TTC7B: variants seen among roughly 807,000 people sequenced by gnomAD.
TTC7B encodes tetratricopeptide repeat protein 7B.
Under a neutral mutation model 106.8 loss-of-function variants are expected in TTC7B, and 28 were observed. That is an observed-to-expected ratio of 0.26 (90% CI 0.19 to 0.36). The LOEUF is 0.36. Among genes scored for constraint, TTC7B ranks in the 10% least tolerant of loss-of-function variants. The probability of loss-of-function intolerance (pLI) is 1.00; values close to 1 mark genes in which losing one functional copy is unlikely to be tolerated. For synonymous variants in TTC7B, 405 were observed against 430.6 expected (o/e 0.94, Z 0.74); for missense variants, 862 against 1,076.4 (o/e 0.80, Z 2.79).
chr14:90,783,597 G>A (rs896897317), intron 2 of TTC7B, among the ~76,000 whole-genome samples: 7 of 152,170 alleles, frequency 4.6e-5, no homozygotes, highest in Admixed American at 3.3e-4. Context: ...AGATCACACA[G>A]CTTATAAATC....
chr14:90,525,151 A>C lies in TTC7B; in HGVS notation c.*16217T>G, dbSNP rs1595134621. 1.4e-5 allele frequency: 2 copies of C among 138,516 alleles called. No homozygotes were observed. The highest frequency in any genetic ancestry group is 1.5e-5 in the Non-Finnish European group (1 of 65,770). The allele number at this position is 138,516 out of a possible 1,614,324, so 8.6% of individuals were successfully genotyped here. On this transcript the variant is annotated 3_prime_UTR_variant, in exon 20 of 20. Transcript: ENST00000328459. ...CGCAATCACGGGTCTGCTTTCCCTC[A>C]CTCTAGATTAGTCCACATTTTCTAG... is the stretch of plus-strand genomic sequence containing the variant.
chr14:90,684,821 A>G lies in TTC7B; in HGVS notation c.951-4286T>C, dbSNP rs1004866949. ...ATGGATATGTTGATGAACTTGGTGG[A>G]AGTTCATCAAGTTTCATACTTTTGA... On this transcript the variant is annotated intron_variant, in intron 7 of 19. Coordinates refer to ENST00000328459, the MANE Select transcript of TTC7B (RefSeq NM_001010854.2). Among the ~76,000 whole-genome samples, 9 of 152,284 alleles carry G rather than the reference A, an allele frequency of 5.9e-5. No homozygotes were observed. In the East Asian group the frequency reaches 1.7e-3, roughly 29 times the overall value.
In TTC7B at chr14:90,780,884, T is replaced by A. The variant is rs757122556; in HGVS notation, c.299A>T (p.Asn100Ile). The A allele has an allele frequency of 1.1e-5, 17 of 1,614,084 alleles. No homozygotes were observed. Among genetic ancestry groups the A allele is most frequent in the Admixed American group, 8.3e-5 (5 of 60,008 alleles). The part of the protein sequence containing the change: ...NLKSEFLQES[N>I]LIMAKLNYVE... ...ATAATTCAACTTGGCCATGATCAGA[T>A]TGGATTCTTGTAGGAATTCTGACTA... The change falls in exon 3 of 20, where the codon AAT becomes ATT. Residue 100 changes from asparagine (N) to isoleucine (I), a missense_variant. Physicochemically the swap from Asn to Ile is moderately radical, Grantham distance 149. Coordinates refer to ENST00000328459, the MANE Select transcript of TTC7B (RefSeq NM_001010854.2).
In TTC7B at chr14:90,608,472, G is replaced by A. The variant is rs1180310743; in HGVS notation, c.1966+2270C>T. 6.6e-6 allele frequency among the ~76,000 whole-genome samples: 1 copy of A among 152,152 alleles called. No individual in the cohort carries two copies. Among genetic ancestry groups the A allele is most frequent in the East Asian group, 1.9e-4 (1 of 5,194 alleles). On this transcript the variant is annotated intron_variant, in intron 17 of 19. Coordinates refer to ENST00000328459, the MANE Select transcript of TTC7B (RefSeq NM_001010854.2). This position sits in a 1 kb window ranked among gnomAD's most constrained non-coding sequence, Gnocchi z 5.1. The stretch of plus-strand genomic sequence containing the variant: ...ATGAAACCGTCTGTGGCAGTGCCTG[G>A]GAGGCTGTGGCTTCCCTGTTGTTGA...
intron 19 of TTC7B, among the ~76,000 whole-genome samples, chr14:90,541,935 T>C (rs1490304012): frequency 1.3e-5 from 2 of 152,288 alleles, no homozygotes; most frequent in Non-Finnish European, 2.9e-5. Flanking sequence ...ACTATCATCC[T>C]TTTCTGTTTG....
intron 8 of TTC7B, among the ~76,000 whole-genome samples, chr14:90,678,617 C>T (rs1436302840): frequency 6.6e-6 from 1 of 152,204 alleles, no homozygotes; most frequent in African/African-American, 2.4e-5. Context: ...GATGACATCA[C>T]TGGATTTCAA....
chr14:90,744,431 C>G (rs1889882825), intron 4 of TTC7B, among the ~76,000 whole-genome samples: 1 of 152,078 alleles, frequency 6.6e-6, no homozygotes, highest in South Asian at 2.1e-4. Context: ...CTGCCTCAAC[C>G]TCCCAAGTAG....
intron 3 of TTC7B, among the ~76,000 whole-genome samples, chr14:90,765,100 T>A (rs927947525): frequency 1.3e-5 from 2 of 152,184 alleles, no homozygotes; most frequent in Non-Finnish European, 2.9e-5. Flanking sequence ...ATATGCAAAA[T>A]GGTATATCCA....
At chr14:90,724,364 T>C (rs1265929136) in intron 5 of TTC7B, among the ~76,000 whole-genome samples, 1 of 152,166 alleles carries the variant, frequency 6.6e-6, no homozygotes, top group African/African-American at 2.4e-5. Flanking sequence ...ATGTAGGCCC[T>C]GTGATATGGT....
chr14:90,751,527 C>G (rs1197927269), intron 3 of TTC7B, among the ~76,000 whole-genome samples: 1 of 152,188 alleles, frequency 6.6e-6, no homozygotes, highest in African/African-American at 2.4e-5. Context: ...TCCTGAGTAG[C>G]TGGGACTACA....
chr14:90,735,649 A>T (rs1336570786), intron 4 of TTC7B, among the ~76,000 whole-genome samples: 1 of 152,158 alleles, frequency 6.6e-6, no homozygotes, highest in African/African-American at 2.4e-5. Flanking sequence ...GCTTGAGGTC[A>T]GGAGTTCGAG....
intron 11 of TTC7B, among the ~76,000 whole-genome samples, chr14:90,656,341 A>T (rs1336955761): frequency 6.6e-6 from 1 of 152,238 alleles, no homozygotes; most frequent in Non-Finnish European, 1.5e-5. Flanking sequence ...AAAAGAAATT[A>T]GAACCCTATC....
At chr14:90,613,057 T>C (rs1344699688) in intron 16 of TTC7B, among the ~76,000 whole-genome samples, 1 of 152,186 alleles carries the variant, frequency 6.6e-6, no homozygotes. Flanking sequence ...CAATCAACTA[T>C]TCAACATAGA....
At chr14:90,745,442 G>C (rs907617498) in intron 3 of TTC7B, among the ~76,000 whole-genome samples, 2 of 152,132 alleles carry the variant, frequency 1.3e-5, no homozygotes, top group African/African-American at 4.8e-5. Flanking sequence ...CCTTTACCAG[G>C]TTGAAGAAGG....
intron 4 of TTC7B, among the ~76,000 whole-genome samples, chr14:90,731,696 G>A (rs901503725): frequency 1.2e-4 from 19 of 152,102 alleles, no homozygotes; most frequent in South Asian, 4.1e-4. Flanking sequence ...CCACTCATCC[G>A]TCAAGTGCCA....
At chr14:90,589,139 G>A (rs1397813970) in intron 18 of TTC7B, among the ~76,000 whole-genome samples, 1 of 152,198 alleles carries the variant, frequency 6.6e-6, no homozygotes, top group East Asian at 1.9e-4. Context: ...GCACATTGTT[G>A]ACTGGAATGT....
intron 5 of TTC7B, among the ~76,000 whole-genome samples, chr14:90,709,991 A>G (rs537888865): frequency 4.0e-5 from 6 of 151,096 alleles, no homozygotes; most frequent in African/African-American, 7.2e-5. Flanking sequence ...GAAAAAAAAA[A>G]AAAAGAAAAG....
chr14:90,626,185 G>C (rs1275890526), intron 15 of TTC7B, among the ~76,000 whole-genome samples: 2 of 152,204 alleles, frequency 1.3e-5, no homozygotes, highest in Non-Finnish European at 2.9e-5. Context: ...TCCCAGGGAA[G>C]AGTTCTCACA....
At chr14:90,701,665 T>C (rs1404797680) in intron 5 of TTC7B, among the ~76,000 whole-genome samples, 1 of 149,624 alleles carries the variant, frequency 6.7e-6, no homozygotes, top group Admixed American at 6.7e-5. Context: ...AGTCAAAGAA[T>C]ATCAGTACTC....
Sources: allele counts gnomAD v4.1 joint callset (sites outside exome capture counted in the v4.1 genomes callset), GRCh38; gene constraint gnomAD v4.1.1; non-coding constraint Gnocchi (gnomAD v3.1); transcripts MANE v1.5; gene names NCBI Gene and HGNC (gene_info 2026-07-23, HGNC 2026-07-21).